SPATC1: variants seen among roughly 807,000 people sequenced by gnomAD.
SPATC1 encodes the protein speriolin.
A neutral mutation model predicts 36.5 loss-of-function variants in SPATC1; 35 were observed. The observed-to-expected ratio is 0.96, with a 90% CI of 0.73 to 1.27. The LOEUF is 1.27. SPATC1 is among the 50% of genes most tolerant of loss of function. SPATC1 has a pLI of 0.00. For synonymous variants in SPATC1, 361 were observed against 353.6 expected (o/e 1.02, Z -0.24); for missense variants, 779 against 796.0 (o/e 0.98, Z 0.26).
intron 1 of SPATC1, among the ~76,000 whole-genome samples, chr8:144,024,251 C>T (rs895466058): frequency 6.7e-6 from 1 of 149,954 alleles, no homozygotes; most frequent in African/African-American, 2.5e-5. Flanking sequence ...GGCCCTCTCC[C>T]TCATGACCTA....
At chr8:144,033,628 T>C (rs1334287507) in intron 1 of SPATC1, among the ~76,000 whole-genome samples, 1 of 152,190 alleles carries the variant, frequency 6.6e-6, no homozygotes, top group East Asian at 1.9e-4. Flanking sequence ...CCTGTCTGGC[T>C]AGTTTGAGTC....
chr8:144,030,667 A>G (rs1284212394), intron 1 of SPATC1, among the ~76,000 whole-genome samples: 19 of 151,360 alleles, frequency 1.3e-4, no homozygotes, highest in Admixed American at 1.3e-3. Flanking sequence ...CCTGCTGTTT[A>G]TTTTCTGCAT....
chr8:144,023,056 T>G (rs1834575904), intron 1 of SPATC1, among the ~76,000 whole-genome samples: 1 of 147,632 alleles, frequency 6.8e-6, no homozygotes, highest in South Asian at 2.2e-4. Context: ...CCCTCCCACC[T>G]CAGGTCCCTC....
intron 4 of SPATC1, among the ~76,000 whole-genome samples, chr8:144,042,884 C>T (rs1450647987): frequency 6.6e-6 from 1 of 151,870 alleles, no homozygotes; most frequent in Admixed American, 6.6e-5. Flanking sequence ...CACACTCTGT[C>T]GCCCAGGCTG....
At chr8:144,036,652 A>C (rs1834904213) in intron 1 of SPATC1, among the ~76,000 whole-genome samples, 1 of 152,166 alleles carries the variant, frequency 6.6e-6, no homozygotes. Context: ...AGGCAAATAA[A>C]GTGGCAGAAC....
Position 144,046,939 on chromosome 8 carries a change from C to T in SPATC1, c.1759C>T (p.Pro587Ser), listed in dbSNP as rs782282193. 1.4e-4 allele frequency: 224 copies of T among 1,597,212 alleles called. No homozygotes were observed. Among genetic ancestry groups the T allele is most frequent in the Non-Finnish European group, 1.9e-4 (222 of 1,178,888 alleles). Residue 587 changes from proline to serine, a missense_variant, in exon 5 of 5, where the codon CCC becomes TCC. By Grantham distance (74) the Pro-to-Ser change is moderately conservative (BLOSUM62 -1). Coordinates refer to ENST00000377470, the MANE Select transcript of SPATC1 (RefSeq NM_198572.3). The surrounding 1 kb of genome is among the most constrained non-coding windows in gnomAD (Gnocchi z 6.6). ...LSQLAHDDGK[P>S]MFIW is the part of the protein sequence containing the mutation. ...CCAGCTGGCGCACGATGACGGCAAG[C>T]CCATGTTCATCTGGTGACGCTGGAG...
chr8:144,031,899 T>C (rs889839819), intron 1 of SPATC1, among the ~76,000 whole-genome samples: 1 of 152,054 alleles, frequency 6.6e-6, no homozygotes, highest in African/African-American at 2.4e-5. Context: ...TTCGTATTTT[T>C]GGTAGAGACA....
At chr8:144,020,785 GCCCTCTCCCATCAAAA>G (rs1834504112) in intron 1 of SPATC1, among the ~76,000 whole-genome samples, 1 of 74,130 alleles carries the variant, frequency 1.3e-5, no homozygotes, top group Admixed American at 1.4e-4. Flanking sequence ...TTCCCTTAGG[GCCCTCTCCCATCAAAA>G]CCCTCTCCCC....
intron 1 of SPATC1, among the ~76,000 whole-genome samples, chr8:144,015,353 G>A (rs1834363410): frequency 6.6e-6 from 1 of 151,238 alleles, no homozygotes; most frequent in Admixed American, 6.6e-5. Context: ...GCCCAGCACA[G>A]GGAGCAGTAC....
At chr8:144,012,805 C>A in intron 1 of SPATC1, 79 bp downstream of exon 1, 1 of 1,453,028 alleles carries the variant, frequency 6.9e-7, no homozygotes, top group South Asian at 1.2e-5. Context: ...GTGCTGAGGT[C>A]TCAGGAGGTC....
intron 1 of SPATC1, among the ~76,000 whole-genome samples, chr8:144,028,896 T>A (rs1834737619): frequency 6.6e-6 from 1 of 152,078 alleles, no homozygotes; most frequent in Admixed American, 6.6e-5. Context: ...ATCATGTCCT[T>A]TGCAGGGACA....
Position 144,016,064 on chromosome 8 carries a change from C to CA in SPATC1, c.211+3352dup, listed in dbSNP as rs574460237. 0.099 allele frequency among the ~76,000 whole-genome samples: 7,751 copies of CA among 78,216 alleles called. 335 individuals carry two copies. Among genetic ancestry groups the CA allele is most frequent in the African/African-American group, 0.17 (4,194 of 24,764 alleles). 51.3% of individuals were successfully genotyped at this position (78,216 alleles called of 152,430 possible). A position where few individuals can be genotyped will look rare whatever the true frequency, so the allele number is the denominator to read the frequency against. On this transcript the variant is annotated intron_variant, in intron 1 of 4. Coordinates refer to ENST00000377470, the MANE Select transcript of SPATC1 (RefSeq NM_198572.3). The surrounding 1 kb of genome is among the most constrained non-coding windows in gnomAD (Gnocchi z 4.5). ...GCTGGAGACTTTTGAGACTCTGTCT[C>CA]AAAAAAAAAAAAAAGAAAAAAGAAA...
intron 4 of SPATC1, among the ~76,000 whole-genome samples, chr8:144,043,283 C>T (rs925028106): frequency 6.7e-5 from 10 of 149,910 alleles, no homozygotes; most frequent in African/African-American, 1.5e-4. Flanking sequence ...GCGTGAGCCA[C>T]GGTGCCCAGC....
intron 1 of SPATC1, among the ~76,000 whole-genome samples, chr8:144,030,477 G>A (rs1281414512): frequency 7.2e-5 from 11 of 152,278 alleles, no homozygotes; most frequent in Admixed American, 2.6e-4. Flanking sequence ...TCCTGCTTCC[G>A]CCTCCTGAGT....
rs1048058476 is a variant in SPATC1, at chr8:144,030,769, C to T, written c.212-9140C>T. ...TATACCATTTTGATTCCTTCTCCTACTTTTTTTTTCCTGTACATTTTAAAG... is the reference window on the plus strand; with the variant it reads ...TATACCATTTTGATTCCTTCTCCTATTTTTTTTTTCCTGTACATTTTAAAG... On this transcript the variant is annotated intron_variant, in intron 1 of 4. Coordinates refer to ENST00000377470, the MANE Select transcript of SPATC1 (RefSeq NM_198572.3). 2.6e-4 allele frequency among the ~76,000 whole-genome samples: 40 copies of T among 151,504 alleles called. 1 individual carries two copies. Among genetic ancestry groups the T allele is most frequent in the African/African-American group, 7.8e-4 (32 of 41,228 alleles).
intron 1 of SPATC1, among the ~76,000 whole-genome samples, chr8:144,025,146 C>T (rs935787406): frequency 0.034 from 5,180 of 151,786 alleles, 311 homozygotes; most frequent in African/African-American, 0.12. Context: ...GGACCCTCTC[C>T]TCTCAGGATC....
rs141080428 is a variant in SPATC1, at chr8:144,040,801, G to A, written c.1000G>A (p.Val334Ile). 135 of 1,062,616 alleles carry A rather than the reference G, an allele frequency of 1.3e-4. No individual in the cohort carries two copies. The highest frequency in any genetic ancestry group is 6.0e-4 in the Middle Eastern group (2 of 3,334). 65.8% of individuals were successfully genotyped at this position (1,062,616 alleles called of 1,614,324 possible). A position where few individuals can be genotyped will look rare whatever the true frequency, so the allele number is the denominator to read the frequency against. ...CCCCACCACCTCCCCCACGGTCACC[G>A]TCCTTGCCTCTGCCCCCGCCCTTGC... Reference protein sequence around the residue: ...TSPTTSPTVTVLASAPALAPQ... With the variant: ...TSPTTSPTVTILASAPALAPQ... The change falls in exon 3 of 5, where the codon GTC (valine) becomes ATC (isoleucine). Residue 334 changes from valine (V) to isoleucine (I), a missense_variant. Val to Ile is a conservative substitution (Grantham distance 29). Coordinates refer to ENST00000377470, the MANE Select transcript of SPATC1 (RefSeq NM_198572.3).
intron 1 of SPATC1, among the ~76,000 whole-genome samples, chr8:144,019,332 A>G (rs1834457212): frequency 6.6e-6 from 1 of 152,206 alleles, no homozygotes; most frequent in Non-Finnish European, 1.5e-5. Flanking sequence ...GAAAATAAAG[A>G]GGCCAGTGGA....
chr8:144,040,490 G>A, intron 2 of SPATC1, 27 bp downstream of exon 2: 10 of 1,566,192 alleles, frequency 6.4e-6, no homozygotes, highest in Non-Finnish European at 8.6e-6. Context: ...GTGGTGGGTG[G>A]CAGAGTGGGG....
Sources: gnomAD v4.1 joint callset for allele counts (sites outside exome capture counted in the v4.1 genomes callset) on GRCh38, gnomAD v4.1.1 for gene constraint, Gnocchi (gnomAD v3.1) non-coding constraint, MANE v1.5 for transcripts, NCBI Gene and HGNC (gene_info 2026-07-23, HGNC 2026-07-21) for gene names.